The following THADA variants were observed in gnomAD, a reference collection of about 807,000 sequenced individuals.
THADA encodes tRNA (32-2'-O)-methyltransferase regulator THADA.
In THADA, 213 loss-of-function variants were observed where a neutral mutation model predicts 219.8. That is an observed-to-expected ratio of 0.97 (90% confidence interval 0.87 to 1.09). The LOEUF is 1.09. THADA is among the 50% of genes least tolerant of loss of function. The pLI, the probability that THADA is intolerant of heterozygous loss-of-function variation, is 0.00. For missense variants in THADA, 2,956 were observed against 2,311.3 expected (o/e 1.28, Z -5.72); for synonymous variants, 1,018 against 828.9 (o/e 1.23, Z -3.92).
chr2:43,436,979 A>G (rs1249923508), intron 26 of THADA, among the ~76,000 whole-genome samples: 5 of 152,180 alleles, frequency 3.3e-5, no homozygotes, highest in African/African-American at 1.2e-4. Flanking sequence ...TAGCTCTCAG[A>G]TGTCTACGAA....
chr2:43,547,769 A>G (rs992526826), intron 20 of THADA, among the ~76,000 whole-genome samples: 1 of 152,124 alleles, frequency 6.6e-6, no homozygotes, highest in Non-Finnish European at 1.5e-5. Context: ...ACATTTGTCT[A>G]AATTTTTTCA....
chr2:43,371,918 C>T (rs946646765), intron 29 of THADA: 1 of 152,136 alleles, frequency 6.6e-6, no homozygotes, highest in Non-Finnish European at 1.5e-5. Context: ...AATATCTACT[C>T]CCCAAGTCAG....
chr2:43,508,777 G>T lies in THADA; in HGVS notation c.3378C>A (p.Cys1126Ter). Residue 1126 changes from cysteine (C) to a stop codon, truncating the protein, a stop_gained, in exon 23 of 38, where the codon TGC becomes TGA. Coordinates refer to ENST00000405975, the MANE Select transcript of THADA (RefSeq NM_022065.5). LOFTEE classifies it high-confidence loss of function. ...GCAGCTTTTGCAGACTCACATTTGG[G>T]CACCTAAAAGGCATATATAATCAAA... Reference protein sequence around the residue: ...FVKLTEVLNRCPNVSLQKLPE... With the variant: ...FVKLTEVLNR 1 of 1,612,926 alleles carries T rather than the reference G, an allele frequency of 6.2e-7. No individual in the cohort carries two copies. Among genetic ancestry groups the T allele is most frequent in the Non-Finnish European group, 8.5e-7 (1 of 1,179,414 alleles).
At position 43,286,972 on chromosome 2, in the gene THADA, C is replaced by A. The variant is rs768518759; in HGVS notation, c.5100G>T (p.Leu1700=). The A allele has an allele frequency of 5.6e-6, 9 of 1,613,810 alleles. No homozygotes were observed. The South Asian group carries it at 9.9e-5, about 18-fold the overall frequency. Residue 1700 remains leucine (L), a synonymous_variant, in exon 35 of 38, where the codon CTG becomes CTT. Transcript: ENST00000405975. ...CEDHLPTESR[L]AVVEVLTSTT... ...TACTGGTGAGGACTTCAACGACGGC[C>A]AGCCTAGACTCTGTAGGAAGATGGT...
chr2:43,325,847 G>C (rs943528880), intron 30 of THADA, among the ~76,000 whole-genome samples: 1 of 152,168 alleles, frequency 6.6e-6, no homozygotes, highest in Admixed American at 6.5e-5. Flanking sequence ...ACAAGTTTAA[G>C]TAAAATAATT....
chr2:43,310,226 GC>G (rs71410163), intron 31 of THADA, among the ~76,000 whole-genome samples: 837 of 54,050 alleles, frequency 0.015, 42 homozygotes, highest in Admixed American at 0.15. Context: ...TCCCTTTCCC[GC>G]CCCCCCCCCA....
chr2:43,266,876 G>A (rs1558490174), intron 36 of THADA, among the ~76,000 whole-genome samples: 1 of 152,184 alleles, frequency 6.6e-6, no homozygotes, highest in Non-Finnish European at 1.5e-5. Context: ...CAGGCAGGGT[G>A]CCAAACTTGA....
At chr2:43,393,297 G>A (rs545918192) in intron 29 of THADA, among the ~76,000 whole-genome samples, 7 of 152,292 alleles carry the variant, frequency 4.6e-5, no homozygotes, top group Non-Finnish European at 1.0e-4. Context: ...GCAACTGAGT[G>A]ATAAAGTATA....
chr2:43,497,609 G>A (rs1343217324), intron 25 of THADA, among the ~76,000 whole-genome samples: 1 of 152,188 alleles, frequency 6.6e-6, no homozygotes, highest in South Asian at 2.1e-4. Context: ...ATGACAGGCT[G>A]AGCGTTATGG....
At chr2:43,237,439 C>T (rs1306943871) in intron 36 of THADA, among the ~76,000 whole-genome samples, 2 of 149,836 alleles carry the variant, frequency 1.3e-5, no homozygotes, top group African/African-American at 4.9e-5. Context: ...TGTCTGTCAC[C>T]CAGGCTGGAG....
intron 31 of THADA, among the ~76,000 whole-genome samples, chr2:43,317,306 T>C (rs1183672022): frequency 6.6e-6 from 1 of 152,224 alleles, no homozygotes; most frequent in African/African-American, 2.4e-5. Flanking sequence ...AAAATCTGTA[T>C]TTTGATAACA....
intron 31 of THADA, 105 bp from the exon 32 acceptor site, chr2:43,293,318 T>C: frequency 7.7e-7 from 1 of 1,305,914 alleles, no homozygotes; most frequent in Non-Finnish European, 1.0e-6. Context: ...CCATCAGATG[T>C]CTCCCATAAG....
chr2:43,468,695 C>T (rs1684556303), intron 26 of THADA, among the ~76,000 whole-genome samples: 1 of 152,126 alleles, frequency 6.6e-6, no homozygotes, highest in African/African-American at 2.4e-5. Context: ...AATTTGGTAT[C>T]TGAGGGCATA....
intron 20 of THADA, among the ~76,000 whole-genome samples, chr2:43,541,529 G>A (rs985210024): frequency 2.0e-5 from 3 of 151,132 alleles, no homozygotes; most frequent in African/African-American, 7.3e-5. Flanking sequence ...CTTTTTTGGA[G>A]ACAGGGTCTC....
At chr2:43,539,373 A>T (rs1695014469) in intron 21 of THADA, among the ~76,000 whole-genome samples, 1 of 152,228 alleles carries the variant, frequency 6.6e-6, no homozygotes, top group Non-Finnish European at 1.5e-5. Flanking sequence ...AAGCACATGT[A>T]AGTATATTTA....
At chr2:43,507,299 C>T (rs1689799917) in intron 23 of THADA, among the ~76,000 whole-genome samples, 1 of 152,164 alleles carries the variant, frequency 6.6e-6, no homozygotes. Flanking sequence ...TAAGAAAGTA[C>T]ACCTACTGAT....
At chr2:43,361,691 G>T (rs375378323) in intron 29 of THADA, among the ~76,000 whole-genome samples, 1 of 152,212 alleles carries the variant, frequency 6.6e-6, no homozygotes, top group African/African-American at 2.4e-5. Flanking sequence ...GCTTTCTGAC[G>T]AATCATCTTA....
Position 43,285,025 on chromosome 2 carries a change from C to T in THADA, c.5164+1883G>A, listed in dbSNP as rs117487914. ...TGGGAGCATTTACCCACCACCTGTACCCCCATTGTATCTTGGAAGTAGCTA... is the reference window on the plus strand; with the variant it reads ...TGGGAGCATTTACCCACCACCTGTATCCCCATTGTATCTTGGAAGTAGCTA... On this transcript the variant is annotated intron_variant, in intron 35 of 37. Coordinates refer to ENST00000405975, the MANE Select transcript of THADA (RefSeq NM_022065.5). Among the ~76,000 whole-genome samples the T allele has an allele frequency of 6.7e-4, 102 of 152,308 alleles. 1 individual carries two copies. The East Asian group carries it at 0.017, about 25-fold the overall frequency.
At chr2:43,364,735 G>T (rs1172028606) in intron 29 of THADA, among the ~76,000 whole-genome samples, 1 of 152,214 alleles carries the variant, frequency 6.6e-6, no homozygotes, top group African/African-American at 2.4e-5. Context: ...AGAATGAACA[G>T]CACATATCAA....
Sources: allele counts gnomAD v4.1 joint callset (sites outside exome capture counted in the v4.1 genomes callset), GRCh38; gene constraint gnomAD v4.1.1; transcripts MANE v1.5; gene names NCBI Gene and HGNC (gene_info 2026-07-23, HGNC 2026-07-21).